The following DMP1 variants were observed in gnomAD, a reference collection of about 807,000 sequenced individuals.
DMP1 encodes the protein dentin matrix protein 1.
A neutral mutation model predicts 14.6 loss-of-function variants in DMP1; 20 were observed. The observed-to-expected ratio is 1.37, with a 90% confidence interval of 0.96 to 1.99. The LOEUF is 1.99. DMP1 is among the 30% of genes most tolerant of loss of function. The probability of loss-of-function intolerance (pLI) is 0.00; values close to 1 mark genes in which losing one functional copy is unlikely to be tolerated. For missense variants in DMP1, 567 were observed against 620.5 expected (o/e 0.91, Z 0.92); for synonymous variants, 197 against 215.3 (o/e 0.91, Z 0.75).
intron 3 of DMP1, chr4:87,657,294 A>G: frequency 4.6e-6 from 2 of 436,188 alleles, no homozygotes; most frequent in South Asian, 5.9e-5. Context: ...TCTTCTTATA[A>G]TGGATGTGTA....
Position 87,655,684 on chromosome 4 carries a change from G to GTATGTGTGTGTGTGTGTGTT in DMP1, c.-21-781_-21-780insGTGTGTGTGTGTTTATGTGT, listed in dbSNP as rs1440569086. ...TAGAAGCCATTGTGTGTGTGTGTGT[G>GTATGTGTGTGTGTGTGTGTT]TATGTGTATGTGTGTGTTTGTGTGT... On this transcript the variant is annotated intron_variant, in intron 1 of 5. Transcript: ENST00000339673. Among the ~76,000 whole-genome samples the GTATGTGTGTGTGTGTGTGTT allele has an allele frequency of 5.3e-5, 8 of 151,808 alleles. No homozygotes were observed. In the South Asian group the frequency reaches 1.7e-3, roughly 31 times the overall value.
intron 5 of DMP1, among the ~76,000 whole-genome samples, chr4:87,660,148 G>C (rs1728819039): frequency 6.6e-6 from 1 of 152,136 alleles, no homozygotes; most frequent in Non-Finnish European, 1.5e-5. Flanking sequence ...TCTCCCTAAG[G>C]CTTTGATCCA....
At chr4:87,654,261 G>A (rs939454601) in intron 1 of DMP1, among the ~76,000 whole-genome samples, 1 of 152,144 alleles carries the variant, frequency 6.6e-6, no homozygotes, top group African/African-American at 2.4e-5. Flanking sequence ...GGGGAAAAGA[G>A]GTTCTGGTTT....
intron 1 of DMP1, among the ~76,000 whole-genome samples, chr4:87,651,094 C>T (rs892078311): frequency 2.6e-5 from 4 of 152,054 alleles, no homozygotes; most frequent in African/African-American, 7.2e-5. Flanking sequence ...ATCTGTGTGA[C>T]GTTTAGAAGA....
intron 1 of DMP1, among the ~76,000 whole-genome samples, chr4:87,651,171 T>A (rs1392831917): frequency 6.6e-6 from 1 of 152,188 alleles, no homozygotes; most frequent in African/African-American, 2.4e-5. Context: ...ACTTTCTGTT[T>A]AACTGAGGCT....
rs767496311 is a variant in DMP1 at position 87,662,882 on chromosome 4, C to T, written c.1104C>T (p.Pro368=). 1.5e-5 allele frequency: 25 copies of T among 1,614,026 alleles called. 1 individual carries two copies. The highest frequency in any genetic ancestry group is 1.3e-4 in the East Asian group (6 of 44,882). Reference sequence around the variant, plus strand: ...TGAGTGAGTCCAGGGGAGATAACCCCGACCCCACAACTAGTTATGTAGAAG... The same window carrying T: ...TGAGTGAGTCCAGGGGAGATAACCCTGACCCCACAACTAGTTATGTAGAAG... ...EVVSESRGDN[P]DPTTSYVEDQ... is the part of the protein sequence containing the mutation. The change falls in exon 6 of 6, where the codon CCC becomes CCT. Residue 368 remains proline, a synonymous_variant. Transcript: ENST00000339673.
chr4:87,662,325 T>G lies in DMP1; in HGVS notation c.547T>G (p.Ser183Ala). ...RVDSKPEGGD[S>A]TQESESEEHW... The stretch of plus-strand genomic sequence containing the variant: ...GGACAGCAAGCCTGAGGGAGGTGAC[T>G]CCACTCAAGAGAGTGAGAGTGAAGA... Residue 183 changes from serine to alanine, a missense_variant, in exon 6 of 6, where the codon TCC becomes GCC. Transcript: ENST00000339673. The G allele has an allele frequency of 6.2e-7, 1 of 1,613,882 alleles. No homozygotes were observed. Among genetic ancestry groups the G allele is most frequent in the Non-Finnish European group, 8.5e-7 (1 of 1,179,970 alleles).
chr4:87,663,041 C>T lies in DMP1; in HGVS notation c.1263C>T (p.Ser421=). 7 of 1,614,086 alleles carry T rather than the reference C, an allele frequency of 4.3e-6. No individual in the cohort carries two copies. The highest frequency in any genetic ancestry group is 5.9e-6 in the Non-Finnish European group (7 of 1,180,010). Residue 421 remains serine (S), a synonymous_variant, in exon 6 of 6, where the codon TCC becomes TCT. Transcript: ENST00000339673. ...ACTTCTCAGAGGAAAGCCCGGAGTC[C>T]CCTGAGGATGAGAACAGCTCCAGCC... The part of the protein sequence containing the change: ...SLNFSEESPE[S]PEDENSSSQE...
intron 2 of DMP1, 82 bp from the exon 3 acceptor site, chr4:87,656,950 C>G: frequency 1.1e-6 from 1 of 877,692 alleles, no homozygotes; most frequent in Middle Eastern, 2.2e-4. Context: ...TTGACTATCC[C>G]TACTCCTATG....
rs965475713 is a variant in DMP1 at position 87,659,371 on chromosome 4, A to G, written c.136-60A>G. ...AGACTGGAAGCAATTGATGTGTATC[A>G]TGTTTTTTTCTTTCCTAAGGAATTA... On this transcript the variant is annotated intron_variant, in intron 4 of 5. Transcript: ENST00000339673. 3.1e-6 allele frequency: 5 copies of G among 1,601,666 alleles called. No homozygotes were observed. The African/African-American group carries it at 5.4e-5, about 17-fold the overall frequency.
At chr4:87,658,310 G>A (rs1338681220) in intron 3 of DMP1, among the ~76,000 whole-genome samples, 2 of 152,204 alleles carry the variant, frequency 1.3e-5, no homozygotes, top group Admixed American at 6.5e-5. Context: ...TCTACTTTGC[G>A]CCTTGGGTGT....
chr4:87,661,903 T>C (rs950764719), intron 5 of DMP1, 59 bp from the exon 6 acceptor site: 81 of 1,613,714 alleles, frequency 5.0e-5, no homozygotes, highest in Non-Finnish European at 6.1e-5. Context: ...AGGCTCTAGA[T>C]AACTCCTTCT....
Position 87,657,087 on chromosome 4 carries a change from G to C in DMP1, c.102+8G>C. 2 of 1,475,132 alleles carry C rather than the reference G, an allele frequency of 1.4e-6. No homozygotes were observed. Among genetic ancestry groups the C allele is most frequent in the Non-Finnish European group, 1.9e-6 (2 of 1,056,304 alleles). 91.4% of individuals were successfully genotyped at this position (1,475,132 alleles called of 1,614,324 possible). A position where few individuals can be genotyped will look rare whatever the true frequency, so the allele number is the denominator to read the frequency against. On this transcript the variant is annotated splice_region_variant and intron_variant, in intron 3 of 5. Transcript: ENST00000339673. The stretch of plus-strand genomic sequence containing the variant: ...GATTCTGAAGAATGGAAGGTGAGTA[G>C]AAATATGACTTTTTGAAATATTTTA...
chr4:87,658,850 A>G, intron 3 of DMP1: 1 of 262,254 alleles, frequency 3.8e-6, no homozygotes, highest in South Asian at 4.5e-5. Flanking sequence ...TTTCAGGGCT[A>G]AAACCAAAAC....
chr4:87,660,098 C>T (rs76755432), intron 5 of DMP1, among the ~76,000 whole-genome samples: 2,254 of 152,290 alleles, frequency 0.015, 65 homozygotes, highest in African/African-American at 0.052. Flanking sequence ...TTTGACCAAA[C>T]TCAATCCTGT....
Position 87,663,345 on chromosome 4 carries a change from G to A in DMP1, c.*25G>A. Reference sequence around the variant, plus strand: ...GCATCAGCTGTCCTAAGAAGCAGTTGTCACATAAAGGAGTCTTAGGGACTT... The same window carrying A: ...GCATCAGCTGTCCTAAGAAGCAGTTATCACATAAAGGAGTCTTAGGGACTT... On this transcript the variant is annotated 3_prime_UTR_variant, in exon 6 of 6. Coordinates refer to ENST00000339673, the MANE Select transcript of DMP1 (RefSeq NM_004407.4). 1 of 1,614,162 alleles carries A rather than the reference G, an allele frequency of 6.2e-7. No homozygotes were observed. The highest frequency in any genetic ancestry group is 8.5e-7 in the Non-Finnish European group (1 of 1,180,012).
intron 5 of DMP1, among the ~76,000 whole-genome samples, chr4:87,661,100 C>T (rs1386502261): frequency 6.6e-6 from 1 of 151,610 alleles, no homozygotes; most frequent in Non-Finnish European, 1.5e-5. Context: ...TGCAGTGGCT[C>T]GATCTCGGCT....
intron 2 of DMP1, 77 bp downstream of exon 2, chr4:87,656,623 A>G: frequency 3.2e-6 from 3 of 952,252 alleles, no homozygotes; most frequent in Non-Finnish European, 5.2e-6. Flanking sequence ...CTATGAACCA[A>G]GATGGCTGTG....
rs3816640 is a variant in DMP1 at position 87,658,930 on chromosome 4, C to T, written c.103-290C>T. ...CTGCTTTTCCTGTGTTACGTTTCCT[C>T]TAGGTTGTATGAACGGCCAGGTTCA... On this transcript the variant is annotated intron_variant, in intron 3 of 5. Coordinates refer to ENST00000339673, the MANE Select transcript of DMP1 (RefSeq NM_004407.4). 4.0e-4 allele frequency: 180 copies of T among 445,846 alleles called. 1 individual carries two copies. The East Asian group carries it at 7.5e-3, about 19-fold the overall frequency. 27.6% of individuals were successfully genotyped at this position (445,846 alleles called of 1,614,324 possible).
Sources: gnomAD v4.1 joint callset for allele counts (sites outside exome capture counted in the v4.1 genomes callset) on GRCh38, gnomAD v4.1.1 for gene constraint, MANE v1.5 for transcripts, NCBI Gene and HGNC (gene_info 2026-07-23, HGNC 2026-07-21) for gene names.